Variants in ZNF362 observed in about 807,000 individuals in gnomAD.
ZNF362 encodes zinc finger protein 362.
Under a neutral mutation model 42.9 loss-of-function variants are expected in ZNF362, and 11 were observed. The observed-to-expected ratio is 0.26, with a 90% CI of 0.16 to 0.42. The LOEUF (loss-of-function observed/expected upper bound fraction) is 0.42, where lower values mean the gene tolerates loss of function less well. Among genes scored for constraint, ZNF362 ranks in the 20% least tolerant of loss-of-function variants. ZNF362 has a pLI of 1.00. For missense variants in ZNF362, 362 were observed against 576.2 expected (o/e 0.63, Z 3.81); for synonymous variants, 255 against 257.3 (o/e 0.99, Z 0.09).
the ZNF362 span, chr1:33,159,734 T>C: frequency 5.0e-6 from 8 of 1,612,454 alleles, no homozygotes; most frequent in Admixed American, 1.2e-4. This position sits in a 1 kb window ranked among gnomAD's most constrained non-coding sequence, Gnocchi z 4.2. Flanking sequence ...TGCCGGTCGG[T>C]TTCAGCCAGC....
At chr1:33,179,563 C>A in the ZNF362 span, among the ~76,000 whole-genome samples, 269 of 152,326 alleles carry the variant, frequency 1.8e-3, 2 homozygotes, top group African/African-American at 6.1e-3. Flanking sequence ...AAACCTTCTG[C>A]TTCCAAACGC....
chr1:33,160,074 A>C, the ZNF362 span: 1 of 1,179,556 alleles, frequency 8.5e-7, no homozygotes, highest in South Asian at 1.5e-5. Flanking sequence ...GGTGGGGGAA[A>C]TGTCACATGC....
chr1:33,276,689 G>C, intron 4 of ZNF362, 95 bp downstream of exon 4: 6 of 1,271,096 alleles, frequency 4.7e-6, no homozygotes, highest in Non-Finnish European at 6.0e-6. Context: ...ACCCGGCTAG[G>C]TAAGAGCAGG....
intron 6 of ZNF362, among the ~76,000 whole-genome samples, chr1:33,291,364 C>G (rs1646076831): frequency 6.6e-6 from 1 of 152,204 alleles, no homozygotes. Flanking sequence ...TGCCAAAGAT[C>G]AGATAGTTGT....
chr1:33,190,861 G>T, the ZNF362 span, among the ~76,000 whole-genome samples: 1 of 152,160 alleles, frequency 6.6e-6, no homozygotes, highest in Admixed American at 6.5e-5. Context: ...TCTTCCTATT[G>T]ACTTCCTGTC....
chr1:33,226,317 G>A, the ZNF362 span, among the ~76,000 whole-genome samples: 1 of 152,172 alleles, frequency 6.6e-6, no homozygotes, highest in South Asian at 2.1e-4. Flanking sequence ...TCAAAATCTT[G>A]TCTGGGGTCC....
the ZNF362 span, among the ~76,000 whole-genome samples, chr1:33,176,154 C>A: frequency 6.6e-5 from 10 of 152,222 alleles, no homozygotes; most frequent in Admixed American, 3.9e-4. Flanking sequence ...CACAGACAAC[C>A]CAGCTGCCTT....
the ZNF362 span, among the ~76,000 whole-genome samples, chr1:33,223,779 G>A: frequency 6.6e-6 from 1 of 151,908 alleles, no homozygotes; most frequent in African/African-American, 2.4e-5. Context: ...TGTAGTTCCA[G>A]CTACTTGGGA....
At chr1:33,143,799 C>G in the ZNF362 span, among the ~76,000 whole-genome samples, 1 of 152,236 alleles carries the variant, frequency 6.6e-6, no homozygotes, top group Admixed American at 6.5e-5. Context: ...TTGCACACTG[C>G]AGAGAGCACC....
At chr1:33,298,280 GT>G (rs1205234137) in intron 8 of ZNF362, among the ~76,000 whole-genome samples, 2 of 152,172 alleles carry the variant, frequency 1.3e-5, no homozygotes, top group African/African-American at 4.8e-5. Flanking sequence ...AGCCCAGGAG[GT>G]TGAGGCTGTG....
chr1:33,177,154 G>A, the ZNF362 span, among the ~76,000 whole-genome samples: 2 of 151,978 alleles, frequency 1.3e-5, no homozygotes, highest in Non-Finnish European at 2.9e-5. This position sits in a 1 kb window ranked among gnomAD's most constrained non-coding sequence, Gnocchi z 4.1. Context: ...CACACCCACA[G>A]GTTACATAAA....
the ZNF362 span, among the ~76,000 whole-genome samples, chr1:33,228,383 C>G: frequency 6.6e-6 from 1 of 152,128 alleles, no homozygotes; most frequent in Non-Finnish European, 1.5e-5. Context: ...TTTTTGTCCC[C>G]AGTCCTGACT....
the ZNF362 span, among the ~76,000 whole-genome samples, chr1:33,208,806 C>T: frequency 2.0e-5 from 3 of 152,138 alleles, no homozygotes; most frequent in African/African-American, 7.2e-5. Flanking sequence ...TGCTTATCAG[C>T]TTAAGGAGAT....
chr1:33,262,783 G>T (rs551069680), intron 1 of ZNF362, among the ~76,000 whole-genome samples: 1 of 152,260 alleles, frequency 6.6e-6, no homozygotes, highest in African/African-American at 2.4e-5. Flanking sequence ...CACCATCCTT[G>T]CCAATGTGGA....
At chr1:33,240,800 A>G in the ZNF362 span, among the ~76,000 whole-genome samples, 1 of 152,192 alleles carries the variant, frequency 6.6e-6, no homozygotes, top group African/African-American at 2.4e-5. Flanking sequence ...TCCTGAGTAC[A>G]ATTCTGACAT....
At chr1:33,193,932 TGAA>T in the ZNF362 span, among the ~76,000 whole-genome samples, 1 of 152,226 alleles carries the variant, frequency 6.6e-6, no homozygotes, top group Non-Finnish European at 1.5e-5. Context: ...AGTTCTTTCT[TGAA>T]GGGAGATCTT....
At chr1:33,141,881 A>G in the ZNF362 span, 1 of 158,812 alleles carries the variant, frequency 6.3e-6, no homozygotes, top group East Asian at 1.6e-4. Flanking sequence ...AGGTTTAAAA[A>G]TATATTCTTT....
the ZNF362 span, chr1:33,145,678 C>T: frequency 3.1e-5 from 10 of 323,098 alleles, no homozygotes; most frequent in Non-Finnish European, 6.1e-5. Context: ...AAGTCAAGGC[C>T]GGGGAGACAT....
chr1:33,214,355 T>C, the ZNF362 span, among the ~76,000 whole-genome samples: 1 of 152,182 alleles, frequency 6.6e-6, no homozygotes, highest in Admixed American at 6.5e-5. Context: ...TAAGAATGGA[T>C]TAAAGACTTA....
Sources: allele counts gnomAD v4.1 joint callset (sites outside exome capture counted in the v4.1 genomes callset), GRCh38; gene constraint gnomAD v4.1.1; non-coding constraint Gnocchi (gnomAD v3.1); transcripts MANE v1.5; gene names NCBI Gene and HGNC (gene_info 2026-07-23, HGNC 2026-07-21).